The following ADAMTSL3 variants were observed in gnomAD, a reference collection of about 807,000 sequenced individuals.
ADAMTSL3 encodes ADAMTS-like protein 3.
ADAMTSL3 carries 128 observed loss-of-function variants against 201.7 expected under a neutral mutation model. The ratio of observed to expected loss-of-function variants is 0.63; its 90% CI spans 0.55 to 0.73. The LOEUF is 0.73. Among genes scored for constraint, ADAMTSL3 ranks in the 30% least tolerant of loss-of-function variants. The pLI, the probability that ADAMTSL3 is intolerant of heterozygous loss-of-function variation, is 0.00. For synonymous variants in ADAMTSL3, 738 were observed against 748.4 expected (o/e 0.99, Z 0.23); for missense variants, 1,990 against 2,119.6 (o/e 0.94, Z 1.20).
intron 2 of ADAMTSL3, among the ~76,000 whole-genome samples, chr15:83,677,950 C>A (rs2061428602): frequency 6.6e-6 from 1 of 151,018 alleles, no homozygotes; most frequent in South Asian, 2.1e-4. Flanking sequence ...CTCTCTCTCT[C>A]TCTCTGTCTC....
intron 6 of ADAMTSL3, among the ~76,000 whole-genome samples, chr15:83,829,203 A>C (rs1596285769): frequency 1.3e-5 from 2 of 152,008 alleles, no homozygotes; most frequent in South Asian, 4.2e-4. Context: ...TCAATTTCAG[A>C]GCCTGTTATT....
chr15:83,726,154 A>G (rs1312528151), intron 3 of ADAMTSL3, among the ~76,000 whole-genome samples: 1 of 151,802 alleles, frequency 6.6e-6, no homozygotes, highest in Non-Finnish European at 1.5e-5. Flanking sequence ...TTTTATTTGT[A>G]GGTATTGTGA....
intron 17 of ADAMTSL3, among the ~76,000 whole-genome samples, chr15:83,933,267 G>A (rs1026880725): frequency 3.9e-5 from 6 of 152,076 alleles, no homozygotes; most frequent in East Asian, 3.9e-4. Flanking sequence ...TATTGAGAAG[G>A]TTTATCATAT....
chr15:83,839,830 CATG>C (rs2064341406), intron 7 of ADAMTSL3, among the ~76,000 whole-genome samples: 1 of 152,096 alleles, frequency 6.6e-6, no homozygotes, highest in Non-Finnish European at 1.5e-5. Context: ...GTAAGGAATT[CATG>C]AAGAGGAGAC....
At chr15:83,789,170 C>G (rs547180455) in intron 4 of ADAMTSL3, among the ~76,000 whole-genome samples, 2 of 152,268 alleles carry the variant, frequency 1.3e-5, no homozygotes, top group African/African-American at 4.8e-5. Context: ...TTCCAGTTTT[C>G]TCTTTGTTCA....
chr15:84,005,025 C>T (rs1273242567), intron 23 of ADAMTSL3, among the ~76,000 whole-genome samples: 1 of 152,066 alleles, frequency 6.6e-6, no homozygotes, highest in Non-Finnish European at 1.5e-5. Context: ...ACTCTTACTC[C>T]CTACCATTCC....
At chr15:83,770,573 T>C (rs993466594) in intron 3 of ADAMTSL3, among the ~76,000 whole-genome samples, 1 of 152,246 alleles carries the variant, frequency 6.6e-6, no homozygotes, top group Non-Finnish European at 1.5e-5. Context: ...AACCTATCAG[T>C]CTTTTCCCTT....
At chr15:83,990,462 T>A (rs1201020698) in intron 22 of ADAMTSL3, among the ~76,000 whole-genome samples, 1 of 152,216 alleles carries the variant, frequency 6.6e-6, no homozygotes, top group Admixed American at 6.5e-5. Context: ...TGTACCCAGG[T>A]ATTTCTCATC....
chr15:83,733,209 T>A (rs1247398632), intron 3 of ADAMTSL3, among the ~76,000 whole-genome samples: 1 of 152,176 alleles, frequency 6.6e-6, no homozygotes. Flanking sequence ...GTTGAACACC[T>A]ACTATACACC....
rs1027455494 is a variant in ADAMTSL3, at chr15:83,654,943, C to T, written c.-34+667C>T. ...CAGATGGAGAGAAGCCACCGACCCGCCCCCGGACACCAGCTCCGCCAAGGC... is the reference window on the plus strand; with the variant it reads ...CAGATGGAGAGAAGCCACCGACCCGTCCCCGGACACCAGCTCCGCCAAGGC... On this transcript the variant is annotated intron_variant, in intron 1 of 29. Transcript: ENST00000286744. The surrounding 1 kb of genome is among the most constrained non-coding windows in gnomAD (Gnocchi z 5.3). Among the ~76,000 whole-genome samples, 1 of 152,174 alleles carries T rather than the reference C, an allele frequency of 6.6e-6. No homozygotes were observed. The highest frequency in any genetic ancestry group is 1.9e-4 in the East Asian group (1 of 5,184).
At chr15:83,678,349 G>C (rs1187222471) in intron 2 of ADAMTSL3, among the ~76,000 whole-genome samples, 2 of 151,706 alleles carry the variant, frequency 1.3e-5, no homozygotes, top group African/African-American at 4.8e-5. Flanking sequence ...CAAATTCTTA[G>C]TTTTGCTTCA....
chr15:83,869,550 A>G (rs1402865236), intron 8 of ADAMTSL3, among the ~76,000 whole-genome samples: 1 of 152,166 alleles, frequency 6.6e-6, no homozygotes, highest in Non-Finnish European at 1.5e-5. Context: ...GATGTCTCCT[A>G]AGGCCTGTTA....
At chr15:83,804,814 T>A in intron 5 of ADAMTSL3, 119 bp downstream of exon 5, 1 of 681,336 alleles carries the variant, frequency 1.5e-6, no homozygotes, top group Non-Finnish European at 2.3e-6. Context: ...AAAACTTAAG[T>A]ATTTCTTTAA....
At chr15:83,866,335 A>G (rs1457854355) in intron 8 of ADAMTSL3, among the ~76,000 whole-genome samples, 1 of 152,240 alleles carries the variant, frequency 6.6e-6, no homozygotes, top group Non-Finnish European at 1.5e-5. Flanking sequence ...CACTATTCAC[A>G]AAAGCAAAGA....
intron 19 of ADAMTSL3, among the ~76,000 whole-genome samples, chr15:83,953,875 T>C (rs1371543397): frequency 6.6e-6 from 1 of 152,242 alleles, no homozygotes; most frequent in Non-Finnish European, 1.5e-5. Flanking sequence ...TCCTGGCCTT[T>C]AAGGTTTCCA....
chr15:83,860,204 A>G (rs1349792122), intron 8 of ADAMTSL3, among the ~76,000 whole-genome samples: 1 of 152,168 alleles, frequency 6.6e-6, no homozygotes. Flanking sequence ...ACACAGGAAG[A>G]CCATGTCTCT....
chr15:83,790,577 TAAA>T (rs1401783767), intron 4 of ADAMTSL3, among the ~76,000 whole-genome samples: 2 of 152,174 alleles, frequency 1.3e-5, no homozygotes, highest in Admixed American at 6.5e-5. Flanking sequence ...ATCAGCTTGA[TAAA>T]AAATTTAAGA....
intron 23 of ADAMTSL3, among the ~76,000 whole-genome samples, chr15:84,008,918 G>A (rs1036664665): frequency 3.3e-5 from 5 of 152,070 alleles, no homozygotes; most frequent in East Asian, 1.9e-4. Context: ...GTTTTTACTC[G>A]CTTTCCTCTC....
At chr15:83,658,259 C>G (rs2061118565) in intron 2 of ADAMTSL3, among the ~76,000 whole-genome samples, 1 of 152,154 alleles carries the variant, frequency 6.6e-6, no homozygotes, top group South Asian at 2.1e-4. Context: ...CAGGCGCACA[C>G]TACCACATCC....
Sources: allele counts gnomAD v4.1 joint callset (sites outside exome capture counted in the v4.1 genomes callset), GRCh38; gene constraint gnomAD v4.1.1; non-coding constraint Gnocchi (gnomAD v3.1); transcripts MANE v1.5; gene names NCBI Gene and HGNC (gene_info 2026-07-23, HGNC 2026-07-21).